Variants in ZNF680 observed in about 807,000 individuals in gnomAD.
ZNF680 encodes hypothetical protein FLJ90430.
A neutral mutation model predicts 12.1 loss-of-function variants in ZNF680; 6 were observed. The observed-to-expected ratio is 0.49, with a 90% CI of 0.27 to 0.98. The LOEUF (loss-of-function observed/expected upper bound fraction) is 0.98. Among genes scored for constraint, ZNF680 ranks in the 50% least tolerant of loss-of-function variants. ZNF680 has a pLI of 0.12. For synonymous variants in ZNF680, 170 were observed against 199.3 expected, an observed-to-expected ratio of 0.85 and a Z score of 1.24; for missense variants, 561 against 616.3, an observed-to-expected ratio of 0.91 and a Z score of 0.95.
rs1791576988 is a variant in ZNF680, at chr7:64,522,136, T to C, written c.618A>G (p.Arg206=). The change falls in exon 4 of 4, where the codon AGA becomes AGG. Residue 206 remains arginine, a synonymous_variant. Coordinates refer to ENST00000309683, the MANE Select transcript of ZNF680 (RefSeq NM_178558.5). ...HLTQHIRIHT[R]ENSYKCEECG... ...ATTCCTCACATTTGTAAGAATTCTC[T>C]CTAGTGTGAATTCTTATATGTTGTG... 5 of 1,612,182 alleles carry C rather than the reference T, an allele frequency of 3.1e-6. No homozygotes were observed. The Admixed American group carries it at 6.7e-5, about 22-fold the overall frequency.
At chr7:64,530,561 AC>A (rs1452893774) in intron 3 of ZNF680, among the ~76,000 whole-genome samples, 1 of 152,180 alleles carries the variant, frequency 6.6e-6, no homozygotes, top group African/African-American at 2.4e-5. Context: ...GTTTAAAAAG[AC>A]AAAGAGGGAC....
intron 3 of ZNF680, among the ~76,000 whole-genome samples, chr7:64,532,286 C>T (rs1011825803): frequency 6.7e-6 from 1 of 148,836 alleles, no homozygotes; most frequent in East Asian, 2.0e-4. Context: ...GCCTGGGCAA[C>T]AGAGAGAGAC....
chr7:64,509,790 A>G, the ZNF680 span, among the ~76,000 whole-genome samples: 1 of 152,110 alleles, frequency 6.6e-6, no homozygotes, highest in African/African-American at 2.4e-5. Context: ...TCACGCTTGT[A>G]TCCATGTTGC....
chr7:64,513,585 T>C, the ZNF680 span, among the ~76,000 whole-genome samples: 1 of 152,166 alleles, frequency 6.6e-6, no homozygotes, highest in Non-Finnish European at 1.5e-5. Context: ...AAGGTTTCAT[T>C]AAAATTGGGG....
chr7:64,544,344 T>C lies in ZNF680; in HGVS notation c.119A>G (p.Lys40Arg), dbSNP rs531003195. The C allele has an allele frequency of 6.2e-6, 10 of 1,604,836 alleles. No individual in the cohort carries two copies. The highest frequency in any genetic ancestry group is 1.7e-4 in the Middle Eastern group (1 of 5,970). ...LDTAQRNLYR[K>R]VMFENYRNLV... ...GTTTCTGTAGTTCTCAAACATCACT[T>C]TCCTATATAAATTCCGTTGTGCAGT... is the stretch of plus-strand genomic sequence containing the variant. The change falls in exon 2 of 4, where the codon AAA becomes AGA. Residue 40 changes from lysine (K) to arginine (R), a missense_variant. Lys to Arg is a conservative substitution (Grantham distance 26). Transcript: ENST00000309683.
chr7:64,526,056 C>A, intron 3 of ZNF680: 1 of 970,672 alleles, frequency 1.0e-6, no homozygotes, highest in Non-Finnish European at 1.2e-6. Context: ...AAACAATTAA[C>A]TCATGTGAGG....
chr7:64,513,055 G>GC, the ZNF680 span, among the ~76,000 whole-genome samples: 1 of 152,020 alleles, frequency 6.6e-6, no homozygotes, highest in African/African-American at 2.4e-5. Flanking sequence ...TGTTCTATTT[G>GC]CCTGCTTCAC....
chr7:64,529,723 T>A (rs1785764761), intron 3 of ZNF680, among the ~76,000 whole-genome samples: 1 of 152,108 alleles, frequency 6.6e-6, no homozygotes, highest in African/African-American at 2.4e-5. Context: ...GAAAACACAC[T>A]TGGGTTGATA....
At chr7:64,504,116 TATTA>T in the ZNF680 span, among the ~76,000 whole-genome samples, 1 of 152,234 alleles carries the variant, frequency 6.6e-6, no homozygotes, top group African/African-American at 2.4e-5. Flanking sequence ...AATAGAATAC[TATTA>T]TGACCTCATA....
the ZNF680 span, among the ~76,000 whole-genome samples, chr7:64,509,481 T>TG: frequency 6.6e-6 from 1 of 152,240 alleles, no homozygotes; most frequent in Non-Finnish European, 1.5e-5. Flanking sequence ...TCAATTACAT[T>TG]GGCATTCAAA....
the ZNF680 span, among the ~76,000 whole-genome samples, chr7:64,509,085 A>G: frequency 7.2e-5 from 11 of 152,118 alleles, no homozygotes; most frequent in African/African-American, 1.7e-4. Flanking sequence ...GCATTGTCCA[A>G]TGAGTTTGAA....
Position 64,544,376 on chromosome 7 carries a change from G to A in ZNF680, c.87C>T (p.Cys29=). Residue 29 remains cysteine (C), a synonymous_variant, in exon 2 of 4, where the codon TGC becomes TGT. Coordinates refer to ENST00000309683, the MANE Select transcript of ZNF680 (RefSeq NM_178558.5). Reference sequence around the variant, plus strand: ...ATAAATTCCGTTGTGCAGTGTCCAGGCATTGCCACTCCTCCAGAGAGAATT... The same window carrying A: ...ATAAATTCCGTTGTGCAGTGTCCAGACATTGCCACTCCTCCAGAGAGAATT... ...AIEFSLEEWQ[C]LDTAQRNLYR... is the part of the protein sequence containing the mutation. 6.2e-7 allele frequency: 1 copy of A among 1,602,662 alleles called. No individual in the cohort carries two copies. The highest frequency in any genetic ancestry group is 8.5e-7 in the Non-Finnish European group (1 of 1,173,164).
intron 1 of ZNF680, among the ~76,000 whole-genome samples, chr7:64,546,955 T>C (rs1161057323): frequency 6.6e-6 from 1 of 152,162 alleles, no homozygotes; most frequent in Non-Finnish European, 1.5e-5. Context: ...TGTCCTCATT[T>C]TGAGTCACAT....
rs1791555720 is a variant in ZNF680, at chr7:64,521,842, G to A, written c.912C>T (p.Asn304=). The A allele has an allele frequency of 6.2e-7, 1 of 1,613,268 alleles. No individual in the cohort carries two copies. Among genetic ancestry groups the A allele is most frequent in the Non-Finnish European group, 8.5e-7 (1 of 1,179,690 alleles). ...TATGGTTAGTAAGGGTTGCAAACCA[G>A]TTAAAGGCTTTGTGACATTCATCAC... The part of the protein sequence containing the change: ...YKCDECHKAF[N]WFATLTNHKR... Residue 304 remains asparagine, a synonymous_variant, in exon 4 of 4, where the codon AAC becomes AAT. Coordinates refer to ENST00000309683, the MANE Select transcript of ZNF680 (RefSeq NM_178558.5).
At chr7:64,551,328 T>G (rs185498650) in intron 1 of ZNF680, among the ~76,000 whole-genome samples, 77 of 152,272 alleles carry the variant, frequency 5.1e-4, no homozygotes, top group African/African-American at 1.8e-3. Flanking sequence ...GGCTCTCTAC[T>G]CCCCAAGCGT....
the ZNF680 span, among the ~76,000 whole-genome samples, chr7:64,500,523 A>G: frequency 6.6e-6 from 1 of 152,222 alleles, no homozygotes; most frequent in Non-Finnish European, 1.5e-5. Flanking sequence ...ATGATGCTAA[A>G]TAAGACGGCA....
chr7:64,504,413 C>A, the ZNF680 span, among the ~76,000 whole-genome samples: 1,067 of 152,208 alleles, frequency 7.0e-3, 14 homozygotes, highest in African/African-American at 0.024. Flanking sequence ...TGATAATATA[C>A]AATTTTTTAG....
intron 3 of ZNF680, among the ~76,000 whole-genome samples, chr7:64,533,796 T>C (rs1486521295): frequency 1.3e-5 from 2 of 152,176 alleles, no homozygotes; most frequent in Non-Finnish European, 2.9e-5. Flanking sequence ...CAGAACAGCA[T>C]GTTACTATTA....
At chr7:64,553,124 CA>C (rs575545282) in intron 1 of ZNF680, among the ~76,000 whole-genome samples, 2,541 of 119,724 alleles carry the variant, frequency 0.021, 50 homozygotes, top group African/African-American at 0.06. Context: ...CACTCTATCT[CA>C]AAAAAAAAAA....
Sources: allele counts gnomAD v4.1 joint callset (sites outside exome capture counted in the v4.1 genomes callset), GRCh38; gene constraint gnomAD v4.1.1; transcripts MANE v1.5; gene names NCBI Gene and HGNC (gene_info 2026-07-23, HGNC 2026-07-21).